Variants in AKT3 observed in about 807,000 individuals in gnomAD.
AKT3 encodes the protein RAC-gamma serine/threonine-protein kinase.
AKT3 carries 15 observed loss-of-function variants against 65.3 expected under a neutral mutation model. The ratio of observed to expected loss-of-function variants is 0.23; its 90% confidence interval spans 0.15 to 0.35. The LOEUF is 0.35. Ranked by LOEUF, AKT3 falls within the 10% of genes least tolerant of loss-of-function variation. The probability of loss-of-function intolerance (pLI) is 1.00; values close to 1 mark genes in which losing one functional copy is unlikely to be tolerated. For synonymous variants in AKT3, 206 were observed against 183.8 expected, an observed-to-expected ratio of 1.12 and a Z score of -0.98; for missense variants, 243 against 576.5, an observed-to-expected ratio of 0.42 and a Z score of 5.92.
Position 243,766,333 on chromosome 1 carries a change from A to G in AKT3, c.47-70617T>C, listed in dbSNP as rs1689821879. On this transcript the variant is annotated intron_variant, in intron 2 of 13. Coordinates refer to ENST00000673466, the MANE Select transcript of AKT3 (RefSeq NM_005465.7). ...GAGGGTATCCCAGGGGGAGAAAGAA[A>G]ATAAAAAAGAAAATTAATAATAATT... Among the ~76,000 whole-genome samples, 3 of 152,254 alleles carry G rather than the reference A, an allele frequency of 2.0e-5. No homozygotes were observed. In the South Asian group the frequency reaches 6.2e-4, roughly 32 times the overall value.
intron 2 of AKT3, chr1:243,740,944 T>G (rs1307673525): frequency 6.6e-6 from 1 of 152,186 alleles, no homozygotes; most frequent in Non-Finnish European, 1.5e-5. Flanking sequence ...TCCAGGCATG[T>G]TTATTAAGTT....
chr1:243,653,197 A>C (rs1005900844), intron 4 of AKT3, among the ~76,000 whole-genome samples: 6 of 152,232 alleles, frequency 3.9e-5, no homozygotes, highest in African/African-American at 1.4e-4. Context: ...ACAAACTACC[A>C]TCAGAGAATA....
At chr1:243,522,621 G>A (rs1670791061) in intron 12 of AKT3, among the ~76,000 whole-genome samples, 1 of 152,086 alleles carries the variant, frequency 6.6e-6, no homozygotes. Context: ...CTGGGTGACA[G>A]AGAGAGACCC....
intron 6 of AKT3, among the ~76,000 whole-genome samples, chr1:243,628,419 C>T (rs1679347912): frequency 6.6e-6 from 1 of 152,088 alleles, no homozygotes; most frequent in Admixed American, 6.5e-5. Context: ...GCATCTCAGC[C>T]AAATGAGTAG....
In AKT3 at chr1:243,637,888, T is replaced by C. The variant is rs10927046; in HGVS notation, c.430-146A>G. ...TAAATGAAAAAGAATCAGACTGGCA[T>C]TGGCTGTCTCATTAGCAACCATGGA... is the stretch of plus-strand genomic sequence containing the variant. On this transcript the variant is annotated intron_variant, in intron 5 of 13. Coordinates refer to ENST00000673466, the MANE Select transcript of AKT3 (RefSeq NM_005465.7). The C allele has an allele frequency of 0.14, 72,405 of 503,388 alleles. 5,846 individuals carry two copies. The highest frequency in any genetic ancestry group is 0.22 in the East Asian group (6,514 of 30,272). 31.2% of individuals were successfully genotyped at this position (503,388 alleles called of 1,614,324 possible).
At chr1:243,539,886 C>G (rs1277931190) in intron 12 of AKT3, among the ~76,000 whole-genome samples, 1 of 152,100 alleles carries the variant, frequency 6.6e-6, no homozygotes, top group Admixed American at 6.6e-5. Context: ...CAAAATTCAT[C>G]TGAGTAACAA....
At chr1:243,763,635 C>T (rs1195493619) in intron 2 of AKT3, among the ~76,000 whole-genome samples, 6 of 151,998 alleles carry the variant, frequency 3.9e-5, no homozygotes, top group Admixed American at 2.0e-4. Context: ...TAAATGAAAA[C>T]GATTAGAACA....
chr1:243,777,217 A>G (rs1428231657), intron 2 of AKT3, among the ~76,000 whole-genome samples: 1 of 152,188 alleles, frequency 6.6e-6, no homozygotes, highest in Non-Finnish European at 1.5e-5. Flanking sequence ...TTATCATTAA[A>G]TTCTCATAAG....
chr1:243,537,862 C>T (rs1290582666), intron 12 of AKT3, among the ~76,000 whole-genome samples: 1 of 152,004 alleles, frequency 6.6e-6, no homozygotes, highest in Admixed American at 6.5e-5. Context: ...ACTTTTTTTT[C>T]TCACATTGTT....
intron 4 of AKT3, among the ~76,000 whole-genome samples, chr1:243,647,061 A>G (rs1312888831): frequency 2.0e-5 from 3 of 152,226 alleles, no homozygotes; most frequent in Non-Finnish European, 4.4e-5. Flanking sequence ...GTAATCATTT[A>G]AATCTTCCAA....
rs557343361 is a variant in AKT3, at chr1:243,549,412, A to G, written c.1163+3317T>C. ...TGCTTCAGGAAGGAATCCATCTATT[A>G]TCTGAACAATTCCATAAATATTCTT... On this transcript the variant is annotated intron_variant, in intron 11 of 13. Transcript: ENST00000673466. Among the ~76,000 whole-genome samples, 52 of 152,128 alleles carry G rather than the reference A, an allele frequency of 3.4e-4. 1 individual carries two copies. The highest frequency in any genetic ancestry group is 1.2e-3 in the African/African-American group (48 of 41,498).
At chr1:243,613,785 C>T in intron 7 of AKT3, 46 bp from the exon 8 acceptor site, 1 of 1,237,808 alleles carries the variant, frequency 8.1e-7, no homozygotes, top group Non-Finnish European at 1.1e-6. Flanking sequence ...ATCCTGTATT[C>T]TTATAATTAT....
At chr1:243,566,481 A>G (rs1053940871) in intron 9 of AKT3, among the ~76,000 whole-genome samples, 6 of 152,184 alleles carry the variant, frequency 3.9e-5, no homozygotes, top group African/African-American at 9.7e-5. Context: ...ACAATGATAT[A>G]GTAAGAAATA....
At chr1:243,753,270 TTAAAG>T (rs1688922376) in intron 2 of AKT3, among the ~76,000 whole-genome samples, 1 of 152,084 alleles carries the variant, frequency 6.6e-6, no homozygotes, top group Non-Finnish European at 1.5e-5. Flanking sequence ...GTGTAAAAAA[TTAAAG>T]TAAAAGCAAC....
At chr1:243,650,134 T>TG (rs1177412365) in intron 4 of AKT3, among the ~76,000 whole-genome samples, 3 of 152,180 alleles carry the variant, frequency 2.0e-5, no homozygotes, top group African/African-American at 7.2e-5. Context: ...TATCTCATTG[T>TG]GTTTTGATTT....
chr1:243,711,145 C>A (rs962368931), intron 2 of AKT3, among the ~76,000 whole-genome samples: 4 of 152,080 alleles, frequency 2.6e-5, no homozygotes, highest in South Asian at 2.1e-4. Context: ...AAAGTGAAAC[C>A]CCGTCTCTAC....
chr1:243,544,160 T>A (rs1349363588), intron 12 of AKT3, among the ~76,000 whole-genome samples: 1 of 149,018 alleles, frequency 6.7e-6, no homozygotes, highest in African/African-American at 2.5e-5. Context: ...ATGAAAAACA[T>A]TTCATAGTAA....
rs1334700991 is a variant in AKT3 at position 243,502,952 on chromosome 1, G to GAGTA, written c.*2293_*2296dup. The GAGTA allele has an allele frequency of 1.7e-5, 4 of 233,198 alleles. No individual in the cohort carries two copies. Among genetic ancestry groups the GAGTA allele is most frequent in the African/African-American group, 8.8e-5 (4 of 45,340 alleles). 14.4% of individuals were successfully genotyped at this position (233,198 alleles called of 1,614,324 possible). On this transcript the variant is annotated 3_prime_UTR_variant, in exon 14 of 14. Coordinates refer to ENST00000673466, the MANE Select transcript of AKT3 (RefSeq NM_005465.7). ...TCGGTGTCATGCTTTCCCTCTAGAG[G>GAGTA]AGTAAGTGCTCTGAACATCAGCCAG...
At chr1:243,843,441 A>C (rs1558865658) in intron 1 of AKT3, 159 bp from the exon 2 acceptor site, 2 of 1,087,116 alleles carry the variant, frequency 1.8e-6, no homozygotes, top group East Asian at 3.5e-5. Context: ...TAGTTCTATA[A>C]TGAAAGCACT....
Sources: gnomAD v4.1 joint callset for allele counts (sites outside exome capture counted in the v4.1 genomes callset) on GRCh38, gnomAD v4.1.1 for gene constraint, MANE v1.5 for transcripts, NCBI Gene and HGNC (gene_info 2026-07-23, HGNC 2026-07-21) for gene names.